The following EPS8L3 variants were observed in gnomAD, a reference collection of about 807,000 sequenced individuals.
EPS8L3 encodes EPS8 signaling adaptor L3, also known as epidermal growth factor receptor kinase substrate 8-like protein 3.
A neutral mutation model predicts 88.5 loss-of-function variants in EPS8L3; 80 were observed. The observed-to-expected ratio is 0.90, with a 90% CI of 0.75 to 1.09. The LOEUF is 1.09. Among genes scored for constraint, EPS8L3 ranks in the 50% least tolerant of loss-of-function variants. EPS8L3 has a pLI of 0.00. For synonymous variants in EPS8L3, 286 were observed against 291.0 expected, an observed-to-expected ratio of 0.98 and a Z score of 0.18; for missense variants, 721 against 735.2, an observed-to-expected ratio of 0.98 and a Z score of 0.22.
intron 7 of EPS8L3, 28 bp from the exon 8 acceptor site, chr1:109,758,459 G>C: frequency 6.4e-7 from 1 of 1,569,362 alleles, no homozygotes; most frequent in Non-Finnish European, 8.6e-7. Context: ...CATGGACCTA[G>C]ATCTTAGATC....
At chr1:109,751,913 C>T in intron 15 of EPS8L3, 82 bp downstream of exon 15, 6 of 1,556,094 alleles carry the variant, frequency 3.9e-6, no homozygotes, top group Non-Finnish European at 5.2e-6. Context: ...TTGGCAGCTC[C>T]ATCCCTGGAC....
chr1:109,750,846 T>C, intron 17 of EPS8L3, 54 bp from the exon 18 acceptor site: 3 of 1,606,108 alleles, frequency 1.9e-6, no homozygotes, highest in Non-Finnish European at 2.6e-6. Context: ...ACCCTGGGCC[T>C]GAGCGTTTGG....
chr1:109,752,275 A>C, intron 14 of EPS8L3, 82 bp from the exon 15 acceptor site: 1 of 1,348,528 alleles, frequency 7.4e-7, no homozygotes, highest in Non-Finnish European at 1.0e-6. Context: ...CCCCTCAGGT[A>C]TCTCCGGCCT....
intron 12 of EPS8L3, among the ~76,000 whole-genome samples, chr1:109,754,941 T>C (rs1190629507): frequency 6.6e-6 from 1 of 152,222 alleles, no homozygotes; most frequent in Non-Finnish European, 1.5e-5. Flanking sequence ...TTCATTTTAG[T>C]GACTGCACAG....
intron 17 of EPS8L3, 36 bp from the exon 18 acceptor site, chr1:109,750,828 C>T (rs1649723454): frequency 6.2e-7 from 1 of 1,612,686 alleles, no homozygotes; most frequent in Non-Finnish European, 8.5e-7. Context: ...CCGTGGTGGG[C>T]TGGAAGGACC....
chr1:109,752,116 T>A lies in EPS8L3; in HGVS notation c.1313A>T (p.Asp438Val). The change falls in exon 15 of 19, where the codon GAC becomes GTC. Residue 438 changes from aspartate (D) to valine (V), a missense_variant. Physicochemically the swap from Asp to Val is radical, Grantham distance 152 (BLOSUM62 -3). Transcript: ENST00000361965. ...GGGGCTGGAGGGCCTGGAGTTGGGGTCCCCAGGCTGAGGGTCATGGTTGTG... is the reference window on the plus strand; with the variant it reads ...GGGGCTGGAGGGCCTGGAGTTGGGGACCCCAGGCTGAGGGTCATGGTTGTG... ...KTHNHDPQPG[D>V]PNSRPSSPKP... The A allele has an allele frequency of 6.2e-7, 1 of 1,613,788 alleles. No individual in the cohort carries two copies. Among genetic ancestry groups the A allele is most frequent in the Non-Finnish European group, 8.5e-7 (1 of 1,179,946 alleles).
chr1:109,752,925 A>G (rs1237082628), intron 13 of EPS8L3, among the ~76,000 whole-genome samples, 192 bp downstream of exon 13: 1 of 152,106 alleles, frequency 6.6e-6, no homozygotes, highest in Non-Finnish European at 1.5e-5. Context: ...AATTGAGCCT[A>G]TGTCCCAGCC....
At chr1:109,757,664 C>T in intron 10 of EPS8L3, 109 bp from the exon 11 acceptor site, 1 of 1,403,888 alleles carries the variant, frequency 7.1e-7, no homozygotes, top group South Asian at 1.2e-5. Flanking sequence ...TCCCAAAAGT[C>T]CCAAGAGGGG....
In EPS8L3 at chr1:109,758,446, G is replaced by A. The variant is rs1405608483; in HGVS notation, c.602-15C>T. On this transcript the variant is annotated splice_polypyrimidine_tract_variant and intron_variant, in intron 7 of 18. Coordinates refer to ENST00000361965, the MANE Select transcript of EPS8L3 (RefSeq NM_133181.4). ...TGGTGGGAGGCCTGCAGTGTAAGGG[G>A]ACCATGGACCTAGATCTTAGATCTT... is the stretch of plus-strand genomic sequence containing the variant. The A allele has an allele frequency of 4.4e-6, 7 of 1,586,252 alleles. No individual in the cohort carries two copies. The highest frequency in any genetic ancestry group is 6.0e-6 in the Non-Finnish European group (7 of 1,167,204).
chr1:109,752,709 T>C lies in EPS8L3; in HGVS notation c.1212A>G (p.Gly404=). ...LPEPSSQAPL[G]YQDPVSLRRG... is the part of the protein sequence containing the mutation. ...ACCGAAGGGAAACAGGGTCCTGGTA[T>C]CCTAAGGGTGCCTGTAAGGGACAGA... Residue 404 remains glycine (G), a synonymous_variant, in exon 14 of 19, where the codon GGA becomes GGG. Transcript: ENST00000361965. 3 of 1,552,120 alleles carry C rather than the reference T, an allele frequency of 1.9e-6. No individual in the cohort carries two copies. The South Asian group carries it at 3.6e-5, about 18-fold the overall frequency.
chr1:109,757,907 A>G lies in EPS8L3; in HGVS notation c.832+37T>C, dbSNP rs185186779. On this transcript the variant is annotated intron_variant, in intron 9 of 18. Coordinates refer to ENST00000361965, the MANE Select transcript of EPS8L3 (RefSeq NM_133181.4). Reference sequence around the variant, plus strand: ...ACGGTGGGCCAGAGATCACCCTGAGACACCCCTACTCCTCTTCCCTGGCCC... The same window carrying G: ...ACGGTGGGCCAGAGATCACCCTGAGGCACCCCTACTCCTCTTCCCTGGCCC... 2.6e-4 allele frequency: 412 copies of G among 1,613,026 alleles called. 1 individual carries two copies. In the African/African-American group the frequency reaches 4.9e-3, roughly 19 times the overall value.
At chr1:109,754,588 G>A (rs1247195665) in intron 12 of EPS8L3, among the ~76,000 whole-genome samples, 2 of 152,150 alleles carry the variant, frequency 1.3e-5, no homozygotes, top group African/African-American at 4.8e-5. Flanking sequence ...TTGCATCTTC[G>A]TGGGTATTTA....
chr1:109,762,637 G>A (rs993315957), intron 1 of EPS8L3, among the ~76,000 whole-genome samples: 8 of 152,066 alleles, frequency 5.3e-5, no homozygotes, highest in Admixed American at 1.3e-4. Context: ...CTTACTTGGC[G>A]CCACGTGCCT....
intron 14 of EPS8L3, chr1:109,752,401 G>A (rs951283810): frequency 1.1e-5 from 7 of 615,144 alleles, no homozygotes; most frequent in African/African-American, 3.7e-5. Context: ...AGACATTTCC[G>A]GGAGTGGAAT....
intron 1 of EPS8L3, 150 bp from the exon 2 acceptor site, chr1:109,761,923 C>CT: frequency 1.5e-6 from 1 of 649,264 alleles, no homozygotes; most frequent in Non-Finnish European, 2.7e-6. Context: ...CCGGAGCCAT[C>CT]TGCAGCCAGC....
At chr1:109,754,729 C>A (rs1482456946) in intron 12 of EPS8L3, among the ~76,000 whole-genome samples, 1 of 152,154 alleles carries the variant, frequency 6.6e-6, no homozygotes, top group Non-Finnish European at 1.5e-5. Context: ...GAACTTGAGG[C>A]CCTCTTGTTT....
At chr1:109,751,606 C>A in intron 16 of EPS8L3, 48 bp downstream of exon 16, 1 of 1,612,612 alleles carries the variant, frequency 6.2e-7, no homozygotes, top group South Asian at 1.1e-5. Context: ...CCCACCCCGA[C>A]CTCCAACTCA....
intron 11 of EPS8L3, 40 bp from the exon 12 acceptor site, chr1:109,757,205 C>T (rs771982824): frequency 6.4e-7 from 1 of 1,554,526 alleles, no homozygotes; most frequent in East Asian, 2.3e-5. Context: ...CCTAGGCTCC[C>T]ACAGGGCCCA....
At chr1:109,752,241 A>G in intron 14 of EPS8L3, 48 bp from the exon 15 acceptor site, 1 of 1,550,824 alleles carries the variant, frequency 6.4e-7, no homozygotes, top group African/African-American at 1.4e-5. Context: ...TCAGAAATTA[A>G]GCCTATGTCC....
Sources: gnomAD v4.1 joint callset for allele counts (sites outside exome capture counted in the v4.1 genomes callset) on GRCh38, gnomAD v4.1.1 for gene constraint, MANE v1.5 for transcripts, NCBI Gene and HGNC (gene_info 2026-07-23, HGNC 2026-07-21) for gene names.